Variants in DNAJC1 observed in about 807,000 individuals in gnomAD.
DNAJC1 encodes the protein dnaJ homolog subfamily C member 1.
Under a neutral mutation model 76.6 loss-of-function variants are expected in DNAJC1, and 58 were observed. The observed-to-expected ratio is 0.76, with a 90% CI of 0.61 to 0.94. DNAJC1 has a LOEUF of 0.94. DNAJC1 is among the 40% of genes least tolerant of loss of function. DNAJC1 has a pLI of 0.00. For synonymous variants in DNAJC1, 258 were observed against 267.9 expected, an observed-to-expected ratio of 0.96 and a Z score of 0.36; for missense variants, 689 against 677.3, an observed-to-expected ratio of 1.02 and a Z score of -0.19.
At chr10:21,978,995 A>G (rs934071519) in intron 1 of DNAJC1, among the ~76,000 whole-genome samples, 4 of 151,986 alleles carry the variant, frequency 2.6e-5, no homozygotes, top group African/African-American at 9.7e-5. Flanking sequence ...GATCTTATAT[A>G]CAATTAGTAA....
At chr10:21,904,776 T>C (rs1238995391) in intron 6 of DNAJC1, among the ~76,000 whole-genome samples, 164 bp from the exon 7 acceptor site, 2 of 152,196 alleles carry the variant, frequency 1.3e-5, no homozygotes, top group African/African-American at 2.4e-5. Context: ...TCTATGATTT[T>C]TCTCTCCTGG....
intron 9 of DNAJC1, among the ~76,000 whole-genome samples, chr10:21,786,554 T>C (rs909901292): frequency 6.7e-6 from 1 of 150,138 alleles, no homozygotes; most frequent in African/African-American, 2.4e-5. Context: ...ACTGTGATCT[T>C]GGCTCACTGC....
At chr10:21,835,954 C>A (rs1835446237) in intron 8 of DNAJC1, among the ~76,000 whole-genome samples, 1 of 152,114 alleles carries the variant, frequency 6.6e-6, no homozygotes, top group African/African-American at 2.4e-5. Context: ...GGCCACCATT[C>A]AAATTCAGGA....
chr10:21,885,296 T>A (rs1013043989), intron 7 of DNAJC1, among the ~76,000 whole-genome samples: 1 of 152,162 alleles, frequency 6.6e-6, no homozygotes. Flanking sequence ...TTAACTATCC[T>A]AAATATATAT....
chr10:21,906,655 T>C (rs1297921970), intron 6 of DNAJC1, among the ~76,000 whole-genome samples: 1 of 152,164 alleles, frequency 6.6e-6, no homozygotes, highest in Non-Finnish European at 1.5e-5. Context: ...AGGACAGATT[T>C]GGAGCCAGAC....
intron 8 of DNAJC1, among the ~76,000 whole-genome samples, chr10:21,837,771 G>A (rs555838031): frequency 1.3e-5 from 2 of 149,594 alleles, no homozygotes; most frequent in African/African-American, 4.9e-5. Context: ...CCTGGTCCAG[G>A]AGGGAGGTAG....
chr10:21,890,570 C>T (rs1315637130), intron 7 of DNAJC1, among the ~76,000 whole-genome samples: 5 of 152,066 alleles, frequency 3.3e-5, no homozygotes, highest in African/African-American at 4.8e-5. Flanking sequence ...TTCCAGGCAG[C>T]GGTTTTCAGT....
At chr10:21,773,293 G>T (rs1834411830) in intron 9 of DNAJC1, among the ~76,000 whole-genome samples, 1 of 152,160 alleles carries the variant, frequency 6.6e-6, no homozygotes. Flanking sequence ...TAAGAAGTGT[G>T]CTAGCTGCAT....
At chr10:21,952,979 C>T (rs1327835924) in intron 1 of DNAJC1, among the ~76,000 whole-genome samples, 1 of 152,054 alleles carries the variant, frequency 6.6e-6, no homozygotes, top group Non-Finnish European at 1.5e-5. Flanking sequence ...GAAGTAGACA[C>T]TAAAATCAAC....
intron 9 of DNAJC1, among the ~76,000 whole-genome samples, chr10:21,799,711 A>C (rs1345819554): frequency 6.6e-6 from 1 of 151,964 alleles, no homozygotes; most frequent in Admixed American, 6.6e-5. Flanking sequence ...TGCCGTCCTT[A>C]GTTCTCCTGA....
At chr10:21,782,522 A>G (rs899240075) in intron 9 of DNAJC1, among the ~76,000 whole-genome samples, 1 of 152,228 alleles carries the variant, frequency 6.6e-6, no homozygotes, top group Non-Finnish European at 1.5e-5. Context: ...ATCAACAGAA[A>G]AAGAGGGATT....
At chr10:21,773,624 A>G (rs1003148801) in intron 9 of DNAJC1, among the ~76,000 whole-genome samples, 4 of 152,192 alleles carry the variant, frequency 2.6e-5, no homozygotes, top group African/African-American at 4.8e-5. Context: ...TTTTAGAAAT[A>G]TGTTAGGTGA....
chr10:21,843,842 C>G (rs940804491), intron 8 of DNAJC1, among the ~76,000 whole-genome samples: 12 of 151,644 alleles, frequency 7.9e-5, no homozygotes. Flanking sequence ...TGGGTTCATG[C>G]AATTCTTGTG....
At chr10:21,894,273 G>A (rs1836504485) in intron 7 of DNAJC1, among the ~76,000 whole-genome samples, 1 of 152,114 alleles carries the variant, frequency 6.6e-6, no homozygotes, top group South Asian at 2.1e-4. Flanking sequence ...TTCTCTTTCA[G>A]AAAATAGAAG....
intron 9 of DNAJC1, among the ~76,000 whole-genome samples, chr10:21,788,141 T>C (rs114543747): frequency 6.6e-6 from 1 of 152,304 alleles, no homozygotes; most frequent in African/African-American, 2.4e-5. Flanking sequence ...AAGCACCATT[T>C]CTCCCTCCAG....
intron 9 of DNAJC1, among the ~76,000 whole-genome samples, chr10:21,774,115 T>C (rs1589975017): frequency 7.7e-6 from 1 of 129,286 alleles, no homozygotes; most frequent in Non-Finnish European, 1.6e-5. Context: ...CACTCCAGCC[T>C]GGGCGACAGA....
At position 22,003,176 on chromosome 10, in the gene DNAJC1, C is replaced by T. The variant is rs564493152; in HGVS notation, c.222+37G>A. ...CCGGGTCGCCTGACGCCTGCCCTGG[C>T]CCCTCTCCGCCCGGCCCCGCGCGCC... is the stretch of plus-strand genomic sequence containing the variant. On this transcript the variant is annotated intron_variant, in intron 1 of 11. Coordinates refer to ENST00000376980, the MANE Select transcript of DNAJC1 (RefSeq NM_022365.4). The T allele has an allele frequency of 5.4e-6, 8 of 1,472,632 alleles. No individual in the cohort carries two copies. The East Asian group carries it at 2.3e-4, about 43-fold the overall frequency. The allele number at this position is 1,472,632 out of a possible 1,614,324, so 91.2% of individuals were successfully genotyped here.
At chr10:21,973,737 T>TA (rs539576521) in intron 1 of DNAJC1, among the ~76,000 whole-genome samples, 19,320 of 80,956 alleles carry the variant, frequency 0.24, 3,249 homozygotes, top group African/African-American at 0.54. Flanking sequence ...GCTCACTACT[T>TA]AAAAAAAAAA....
chr10:21,915,071 T>C (rs1234871085), intron 6 of DNAJC1, among the ~76,000 whole-genome samples: 2 of 152,250 alleles, frequency 1.3e-5, no homozygotes, highest in African/African-American at 4.8e-5. Flanking sequence ...TGTTCTGATA[T>C]ACATTTAATA....
Sources: gnomAD v4.1 joint callset for allele counts (sites outside exome capture counted in the v4.1 genomes callset) on GRCh38, gnomAD v4.1.1 for gene constraint, MANE v1.5 for transcripts, NCBI Gene and HGNC (gene_info 2026-07-23, HGNC 2026-07-21) for gene names.